PLEKHA7: variants seen among roughly 807,000 people sequenced by gnomAD.
The protein encoded by PLEKHA7 is pleckstrin homology domain-containing family A member 7.
A neutral mutation model predicts 170.0 loss-of-function variants in PLEKHA7; 104 were observed. The observed-to-expected ratio is 0.61, with a 90% CI of 0.52 to 0.72. The LOEUF is 0.72. Among genes scored for constraint, PLEKHA7 ranks in the 30% least tolerant of loss-of-function variants. The pLI, the probability that PLEKHA7 is intolerant of heterozygous loss-of-function variation, is 0.00. For synonymous variants in PLEKHA7, 648 were observed against 660.8 expected, an observed-to-expected ratio of 0.98 and a Z score of 0.30; for missense variants, 1,615 against 1,671.7, an observed-to-expected ratio of 0.97 and a Z score of 0.59.
chr11:16,782,767 G>C lies in PLEKHA7; in HGVS notation c.3780C>G (p.Ser1260Arg), dbSNP rs1351727233. The change falls in exon 26 of 27, where the codon AGC (serine) becomes AGG (arginine). Residue 1260 changes from serine (S) to arginine (R), a missense_variant. By Grantham distance (110) the Ser-to-Arg change is moderately radical (BLOSUM62 -1). Transcript: ENST00000531066. ...YALASEASQR[S>R]KQVAAQAVTD... ...CCATGGCCTTACCTGCCACCTGCTT[G>C]CTACGCTGGGAGGCCTCGGAGGCCA... The C allele has an allele frequency of 6.5e-7, 1 of 1,536,126 alleles. No individual in the cohort carries two copies. The highest frequency in any genetic ancestry group is 8.7e-7 in the Non-Finnish European group (1 of 1,146,896).
chr11:16,826,012 G>A, intron 10 of PLEKHA7, 108 bp downstream of exon 10: 3 of 1,135,520 alleles, frequency 2.6e-6, no homozygotes, highest in Non-Finnish European at 3.8e-6. Flanking sequence ...GGTAATGGCA[G>A]TAAAGAGTTT....
chr11:16,893,311 G>A (rs1856796078), intron 3 of PLEKHA7, among the ~76,000 whole-genome samples: 1 of 152,156 alleles, frequency 6.6e-6, no homozygotes, highest in African/African-American at 2.4e-5. Context: ...CCTACTGTGG[G>A]CATTTAGTTT....
intron 17 of PLEKHA7, among the ~76,000 whole-genome samples, chr11:16,795,982 A>C (rs1013403135): frequency 6.8e-6 from 1 of 146,934 alleles, no homozygotes. Context: ...CAGCCTCCCA[A>C]CCAGGTAGCT....
chr11:16,798,713 AG>A (rs1294030054), intron 17 of PLEKHA7, among the ~76,000 whole-genome samples: 1 of 152,234 alleles, frequency 6.6e-6, no homozygotes, highest in Non-Finnish European at 1.5e-5. Context: ...GAAGATAAAC[AG>A]GTGCAGCCCT....
intron 10 of PLEKHA7, among the ~76,000 whole-genome samples, chr11:16,822,502 G>GAAAAA (rs775136335): frequency 1.3e-5 from 1 of 78,956 alleles, no homozygotes; most frequent in Non-Finnish European, 2.2e-5. Context: ...TTTGGTAGGG[G>GAAAAA]AAAAAAAAAA....
intron 13 of PLEKHA7, among the ~76,000 whole-genome samples, chr11:16,804,783 G>T (rs1312652044): frequency 1.3e-5 from 2 of 152,176 alleles, no homozygotes; most frequent in African/African-American, 4.8e-5. Flanking sequence ...GCCAAATTCT[G>T]CTCTTCAGAC....
At chr11:16,882,117 T>C (rs1855759317) in intron 3 of PLEKHA7, among the ~76,000 whole-genome samples, 1 of 152,202 alleles carries the variant, frequency 6.6e-6, no homozygotes, top group Admixed American at 6.5e-5. Flanking sequence ...CACAGCTATG[T>C]TCCAGGGCTT....
At chr11:16,961,691 G>A (rs979267533) in intron 3 of PLEKHA7, among the ~76,000 whole-genome samples, 1 of 152,240 alleles carries the variant, frequency 6.6e-6, no homozygotes, top group South Asian at 2.1e-4. Context: ...GCAGGGCCCG[G>A]TGTGTGGAAG....
At chr11:16,983,250 A>T (rs530423187) in intron 3 of PLEKHA7, among the ~76,000 whole-genome samples, 88 of 152,328 alleles carry the variant, frequency 5.8e-4, no homozygotes, top group African/African-American at 2.1e-3. Flanking sequence ...AGAATGTGAC[A>T]ATTACAGGAG....
At chr11:16,954,220 A>G (rs1418546657) in intron 3 of PLEKHA7, among the ~76,000 whole-genome samples, 1 of 152,214 alleles carries the variant, frequency 6.6e-6, no homozygotes, top group Non-Finnish European at 1.5e-5. Context: ...AGCAAACAAT[A>G]AAGAACCAAT....
intron 3 of PLEKHA7, among the ~76,000 whole-genome samples, chr11:16,940,446 C>T (rs558825731): frequency 6.6e-5 from 10 of 152,106 alleles, no homozygotes; most frequent in Non-Finnish European, 1.3e-4. Context: ...TGCCACCATG[C>T]CTGGCTAATT....
intron 3 of PLEKHA7, among the ~76,000 whole-genome samples, chr11:16,955,955 C>T (rs1347541846): frequency 2.0e-5 from 3 of 151,954 alleles, no homozygotes; most frequent in African/African-American, 7.3e-5. Context: ...TCGCTTCAGC[C>T]CAGGAGTTTA....
At chr11:16,803,193 G>A in intron 14 of PLEKHA7, 34 bp downstream of exon 14, 1 of 1,601,816 alleles carries the variant, frequency 6.2e-7, no homozygotes, top group South Asian at 1.1e-5. Context: ...TCAGGAGGCA[G>A]CTGAGGGGTC....
intron 8 of PLEKHA7, among the ~76,000 whole-genome samples, chr11:16,845,326 A>G (rs1471929726): frequency 6.6e-6 from 1 of 152,194 alleles, no homozygotes; most frequent in East Asian, 1.9e-4. Flanking sequence ...AAGAGCAATG[A>G]GAAACTATTA....
chr11:16,927,921 T>C (rs1859676013), intron 3 of PLEKHA7, among the ~76,000 whole-genome samples: 1 of 152,170 alleles, frequency 6.6e-6, no homozygotes, highest in Non-Finnish European at 1.5e-5. Flanking sequence ...TAAAATGATA[T>C]TTTAAATACT....
At chr11:16,876,285 G>A (rs143893102) in intron 3 of PLEKHA7, among the ~76,000 whole-genome samples, 4 of 152,372 alleles carry the variant, frequency 2.6e-5, no homozygotes, top group African/African-American at 4.8e-5. Context: ...GAGATGGCCC[G>A]GCTGAGAGCC....
chr11:16,974,339 G>C (rs1199775131), intron 3 of PLEKHA7, among the ~76,000 whole-genome samples: 3 of 143,930 alleles, frequency 2.1e-5, no homozygotes. Context: ...TTTCGTCATT[G>C]GGTGCCACCC....
At chr11:16,976,349 T>G (rs541112241) in intron 3 of PLEKHA7, among the ~76,000 whole-genome samples, 21 of 152,252 alleles carry the variant, frequency 1.4e-4, no homozygotes, top group Non-Finnish European at 3.1e-4. Flanking sequence ...TGGTTTGCCC[T>G]ATTTAAAATG....
chr11:16,941,927 C>T (rs1414681842), intron 3 of PLEKHA7, among the ~76,000 whole-genome samples: 4 of 152,240 alleles, frequency 2.6e-5, no homozygotes, highest in African/African-American at 4.8e-5. Context: ...GCACCTCTCT[C>T]GAAGGGATTT....
Sources: allele counts gnomAD v4.1 joint callset (sites outside exome capture counted in the v4.1 genomes callset), GRCh38; gene constraint gnomAD v4.1.1; transcripts MANE v1.5; gene names NCBI Gene and HGNC (gene_info 2026-07-23, HGNC 2026-07-21).